The following SLC9B1 variants were observed in gnomAD, a reference collection of about 807,000 sequenced individuals.
SLC9B1 encodes solute carrier family 9 member B1, also known as sodium/hydrogen exchanger 9B1.
In SLC9B1, 32 loss-of-function variants were observed where a neutral mutation model predicts 51.7. That is an observed-to-expected ratio of 0.62 (90% CI 0.47 to 0.83). The LOEUF is 0.83. SLC9B1 is among the 40% of genes least tolerant of loss of function. The pLI is 0.00. For missense variants in SLC9B1, 406 were observed against 613.2 expected (o/e 0.66, Z 3.57); for synonymous variants, 145 against 212.7 (o/e 0.68, Z 2.77).
rs1380262314 is a variant in SLC9B1, at chr4:102,991,728, A to C, written c.-1-16T>G. On this transcript the variant is annotated splice_polypyrimidine_tract_variant and intron_variant, in intron 1 of 11. Coordinates refer to ENST00000296422, the MANE Select transcript of SLC9B1 (RefSeq NM_139173.4). ...GGTATGCATGCTAAGATTTAAAAGA[A>C]AAATACTTTAAAAGAAGAAACAAGA... The C allele has an allele frequency of 4.7e-6, 7 of 1,501,156 alleles. No individual in the cohort carries two copies. The highest frequency in any genetic ancestry group is 5.4e-6 in the Non-Finnish European group (6 of 1,106,828). The allele number at this position is 1,501,156 out of a possible 1,614,324, so 93.0% of individuals were successfully genotyped here.
chr4:102,892,619 A>T (rs1380829156), intron 11 of SLC9B1: 4 of 152,216 alleles, frequency 2.6e-5, no homozygotes, highest in African/African-American at 9.6e-5. Context: ...GTGAGAAAGT[A>T]TATTTGTGAT....
chr4:102,905,726 C>T (rs1735014676), intron 10 of SLC9B1, 76 bp from the exon 11 acceptor site: 1 of 1,447,036 alleles, frequency 6.9e-7, no homozygotes, highest in African/African-American at 1.4e-5. Flanking sequence ...AATATGATTT[C>T]TAAAACTTTT....
chr4:102,893,300 A>AAAAAAAAAG (rs1314502030), intron 11 of SLC9B1, among the ~76,000 whole-genome samples: 8 of 147,758 alleles, frequency 5.4e-5, no homozygotes, highest in Non-Finnish European at 1.0e-4. Flanking sequence ...AAAAAAAAAA[A>AAAAAAAAAG]AAAAAGAAAA....
At chr4:102,891,413 T>G (rs1734243399) in intron 11 of SLC9B1, 1 of 152,224 alleles carries the variant, frequency 6.6e-6, no homozygotes, top group Admixed American at 6.5e-5. Flanking sequence ...CATAGCAGCT[T>G]GAGACAATTT....
intron 6 of SLC9B1, among the ~76,000 whole-genome samples, chr4:102,939,233 A>T (rs1314048231): frequency 6.6e-6 from 1 of 151,728 alleles, no homozygotes; most frequent in Non-Finnish European, 1.5e-5. Context: ...AATACAAAAA[A>T]CTCTCAGAGA....
At chr4:103,007,624 G>C (rs1740857368) in intron 1 of SLC9B1, among the ~76,000 whole-genome samples, 1 of 124,070 alleles carries the variant, frequency 8.1e-6, no homozygotes, top group South Asian at 2.7e-4. Flanking sequence ...CTGGAGAGAT[G>C]GGTTCTCACT....
chr4:102,993,251 G>A (rs943160195), intron 1 of SLC9B1, among the ~76,000 whole-genome samples: 13 of 152,156 alleles, frequency 8.5e-5, no homozygotes, highest in African/African-American at 1.2e-4. Context: ...CTATAAAATC[G>A]AAAGGAAGTT....
At chr4:102,898,107 C>T (rs930201431), downstream of SLC9B1, 1 of 498,174 alleles carries the variant, frequency 2.0e-6, no homozygotes, top group African/African-American at 2.0e-5. Flanking sequence ...TTATTTAGAA[C>T]TTCTTCATAT....
chr4:102,903,034 T>TATAAATA (rs60105641), intron 11 of SLC9B1, among the ~76,000 whole-genome samples: 4,196 of 152,282 alleles, frequency 0.028, 176 homozygotes, highest in African/African-American at 0.092. Context: ...ACTCTACTTG[T>TATAAATA]ATAAATAATT....
At chr4:102,938,381 A>G (rs6533039) in intron 6 of SLC9B1, among the ~76,000 whole-genome samples, 60,679 of 152,046 alleles carry the variant, frequency 0.4, 12,558 homozygotes, top group African/African-American at 0.52. Flanking sequence ...AAACAAGTTC[A>G]TAGAGACCTA....
intron 3 of SLC9B1, among the ~76,000 whole-genome samples, chr4:102,971,778 T>C (rs1159463306): frequency 6.6e-6 from 1 of 151,772 alleles, no homozygotes; most frequent in African/African-American, 2.4e-5. Context: ...AAGAATCAAA[T>C]AGATGCAATA....
chr4:102,993,804 C>G (rs1346626376), intron 1 of SLC9B1, among the ~76,000 whole-genome samples: 1 of 152,232 alleles, frequency 6.6e-6, no homozygotes, highest in African/African-American at 2.4e-5. Context: ...TTCTGTGCAC[C>G]TGTCGGCCTA....
Position 102,925,574 on chromosome 4 carries a change from TC to T in SLC9B1, c.829+6549del, listed in dbSNP as rs1736120080. ...AATAACAAAAAAAACTATGACACTG[TC>T]CTATATACCATATCTGTACAAAAAT... On this transcript the variant is annotated intron_variant, in intron 7 of 11. Transcript: ENST00000296422. Among the ~76,000 whole-genome samples the T allele has an allele frequency of 2.0e-5, 3 of 151,848 alleles. No homozygotes were observed. The East Asian group carries it at 5.8e-4, about 29-fold the overall frequency.
At chr4:102,905,992 G>A (rs2110426677) in intron 10 of SLC9B1, among the ~76,000 whole-genome samples, 1 of 152,204 alleles carries the variant, frequency 6.6e-6, no homozygotes, top group Non-Finnish European at 1.5e-5. Context: ...CTGGAGTGCA[G>A]TGGTACAATC....
chr4:102,999,339 C>A (rs144351216), intron 1 of SLC9B1, among the ~76,000 whole-genome samples: 235 of 152,280 alleles, frequency 1.5e-3, no homozygotes, highest in African/African-American at 5.1e-3. Context: ...GTTGCCTGTA[C>A]TTTTGGCATC....
chr4:102,913,664 T>A (rs1735446871), intron 7 of SLC9B1, among the ~76,000 whole-genome samples: 1 of 151,764 alleles, frequency 6.6e-6, no homozygotes. Flanking sequence ...AAGAAATAGA[T>A]AAATGAGTTA....
intron 11 of SLC9B1, chr4:102,890,996 T>C (rs1211461318): frequency 6.6e-6 from 1 of 151,016 alleles, no homozygotes; most frequent in Non-Finnish European, 1.5e-5. Flanking sequence ...AAGACCACTT[T>C]GAAGGCTGGG....
intron 3 of SLC9B1, among the ~76,000 whole-genome samples, chr4:102,968,739 G>A (rs894086431): frequency 6.6e-5 from 10 of 152,326 alleles, no homozygotes; most frequent in South Asian, 2.1e-4. Flanking sequence ...CGCCTCATCC[G>A]GGAAGCAGCA....
intron 6 of SLC9B1, among the ~76,000 whole-genome samples, chr4:102,942,900 G>C (rs1267645716): frequency 2.0e-5 from 3 of 152,066 alleles, no homozygotes; most frequent in Non-Finnish European, 4.4e-5. Context: ...AACCTATAGA[G>C]TGGGAGAAAA....
Sources: gnomAD v4.1 joint callset for allele counts (sites outside exome capture counted in the v4.1 genomes callset) on GRCh38, gnomAD v4.1.1 for gene constraint, MANE v1.5 for transcripts, NCBI Gene and HGNC (gene_info 2026-07-23, HGNC 2026-07-21) for gene names.